Variants in MUC22 observed in about 807,000 individuals in gnomAD.
The protein encoded by MUC22 is mucin 22.
MUC22 carries 24 observed loss-of-function variants against 40.3 expected under a neutral mutation model. The observed-to-expected ratio is 0.60, with a 90% CI of 0.43 to 0.84. The LOEUF is 0.84. MUC22 is among the 40% of genes least tolerant of loss of function. The pLI, the probability that MUC22 is intolerant of heterozygous loss-of-function variation, is 0.00. For missense variants in MUC22, 1,926 were observed against 2,130.7 expected, an observed-to-expected ratio of 0.90 and a Z score of 1.89; for synonymous variants, 765 against 844.5, an observed-to-expected ratio of 0.91 and a Z score of 1.63.
In MUC22 at chr6:31,011,107, T is replaced by G. The variant is rs9278834; in HGVS notation, c.70+331T>G. 6.7e-6 allele frequency among the ~76,000 whole-genome samples: 1 copy of G among 148,874 alleles called. No homozygotes were observed. The highest frequency in any genetic ancestry group is 2.5e-5 in the African/African-American group (1 of 39,828). On this transcript the variant is annotated intron_variant, in intron 1 of 3. Coordinates refer to ENST00000561890, the Ensembl canonical transcript of MUC22. The surrounding 1 kb of genome is among the most constrained non-coding windows in gnomAD (Gnocchi z 4.5). ...TATCTTGGATAAAAGTTTTTTTTTT[T>G]AACCGGAAAACTCTAGTTCCAATAG...
At chr6:31,027,657 C>T in exon 2 of MUC22, 1 of 1,530,562 alleles carries the variant, frequency 6.5e-7, no homozygotes, top group Non-Finnish European at 8.7e-7. Flanking sequence ...CTAATACAGG[C>T]TTGGAGACCA....
In MUC22 at chr6:31,032,044, C is replaced by T. The variant is rs145038858; in HGVS notation, c.4670-152C>T. On this transcript the variant is annotated intron_variant, in intron 2 of 3. Transcript: ENST00000561890. This position sits in a 1 kb window ranked among gnomAD's most constrained non-coding sequence, Gnocchi z 4.1. ...TCTGGGGACATGGCCACAGCAGAAT[C>T]GCTTTCTACCATCTCTCCTCCCCCA... 1.3e-5 allele frequency among the ~76,000 whole-genome samples: 2 copies of T among 152,262 alleles called. No individual in the cohort carries two copies. The highest frequency in any genetic ancestry group is 1.9e-4 in the East Asian group (1 of 5,184).
chr6:31,025,929 G>A (rs748628858), exon 2 of MUC22: 40 of 1,529,502 alleles, frequency 2.6e-5, no homozygotes, highest in South Asian at 3.6e-5. Context: ...CTGAGAAAAC[G>A]ATGGCCTCCT....
At chr6:31,008,212 T>C (rs1283184201), upstream of MUC22, among the ~76,000 whole-genome samples, 2 of 152,256 alleles carry the variant, frequency 1.3e-5, no homozygotes, top group Non-Finnish European at 2.9e-5. Context: ...ACTAACTTTG[T>C]GAGTTTGGCC....
At position 31,032,219 on chromosome 6, in the gene MUC22, C is replaced by T; in HGVS notation, c.4693C>T (p.Leu1565Phe). The T allele has an allele frequency of 6.5e-7, 1 of 1,534,872 alleles. No homozygotes were observed. Among genetic ancestry groups the T allele is most frequent in the Non-Finnish European group, 8.7e-7 (1 of 1,146,402 alleles). The change falls in exon 3 of 4, where the codon CTC (leucine) becomes TTC (phenylalanine). Residue 1565 changes from leucine (L) to phenylalanine (F), a missense_variant. Physicochemically the swap from Leu to Phe is conservative, Grantham distance 22. Around this residue, in one of 3 missense-constraint regions of MUC22, gnomAD observed 610 missense variants for 714.6 expected, o/e 0.85. Transcript: ENST00000561890. This position sits in a 1 kb window ranked among gnomAD's most constrained non-coding sequence, Gnocchi z 4.1. ...AGGCACCAGAACCACTGGAACCAGA[C>T]TCACTGCCTCCAGCTCTGTCACCAT...
chr6:31,034,705 A>G, exon 4 of MUC22: 1 of 1,535,512 alleles, frequency 6.5e-7, no homozygotes, highest in Non-Finnish European at 8.7e-7. Flanking sequence ...ATATTGTGGT[A>G]TTTATTACCC....
At chr6:31,013,382 C>G (rs886692036) in intron 1 of MUC22, among the ~76,000 whole-genome samples, 2 of 151,954 alleles carry the variant, frequency 1.3e-5, no homozygotes, top group African/African-American at 4.8e-5. Flanking sequence ...CCACCTTGGC[C>G]TCCCAAAGTG....
intron 1 of MUC22, among the ~76,000 whole-genome samples, chr6:31,021,977 A>G (rs961386148): frequency 5.9e-5 from 9 of 152,182 alleles, no homozygotes; most frequent in African/African-American, 2.2e-4. Context: ...TTCACTCCTG[A>G]AGCCAGCGAG....
At chr6:31,029,984 T>C in exon 2 of MUC22, 1 of 1,535,612 alleles carries the variant, frequency 6.5e-7, no homozygotes, top group Non-Finnish European at 8.7e-7. Flanking sequence ...ACCACCACAG[T>C]CTCTATCACA....
At chr6:31,019,344 A>C (rs1764500067) in intron 1 of MUC22, among the ~76,000 whole-genome samples, 1 of 152,222 alleles carries the variant, frequency 6.6e-6, no homozygotes, top group Non-Finnish European at 1.5e-5. Context: ...CTACCATCCT[A>C]GTTCAAGCAA....
chr6:31,028,390 G>C, exon 2 of MUC22: 2 of 1,507,892 alleles, frequency 1.3e-6, no homozygotes, highest in Non-Finnish European at 1.8e-6. Flanking sequence ...GACCACCACA[G>C]CCTCTACTGA....
Position 31,029,320 on chromosome 6 carries a change from G to A in MUC22, c.3889G>A (p.Ala1297Thr), listed in dbSNP as rs183988734. ...CACTACTGCAGGTTCTGAGACCACA[G>A]CAGTCTATACCACAGGCTCTGAGAC... Residue 1297 changes from alanine (A) to threonine (T), a missense_variant, in exon 2 of 4, where the codon GCA becomes ACA. Transcript: ENST00000561890. 3.9e-6 allele frequency: 6 copies of A among 1,519,050 alleles called. No homozygotes were observed. In the Admixed American group the frequency reaches 6.1e-5, roughly 15 times the overall value. 94.1% of individuals were successfully genotyped at this position (1,519,050 alleles called of 1,614,324 possible). A position where few individuals can be genotyped will look rare whatever the true frequency, so the allele number is the denominator to read the frequency against.
chr6:31,026,289 G>C lies in MUC22; in HGVS notation c.858G>C (p.Glu286Asp), dbSNP rs1372391635. 198 of 1,514,946 alleles carry C rather than the reference G, an allele frequency of 1.3e-4. No individual in the cohort carries two copies. The highest frequency in any genetic ancestry group is 1.6e-4 in the Non-Finnish European group (177 of 1,132,032). The allele number at this position is 1,514,946 out of a possible 1,614,324, so 93.8% of individuals were successfully genotyped here. A position where few individuals can be genotyped will look rare whatever the true frequency, so the allele number is the denominator to read the frequency against. The change falls in exon 2 of 4, where the codon GAG (glutamate) becomes GAC (aspartate). Residue 286 changes from glutamate to aspartate, a missense_variant. This residue lies in a region of MUC22 where 1,281 missense variants were observed against 1,337.8 expected (regional missense o/e 0.96). Coordinates refer to ENST00000561890, the Ensembl canonical transcript of MUC22. ...CTACAATCCTGATTAAAGCCTCTGA[G>C]ACCACCACAGCCTCTACAGCAGGTT...
At chr6:31,020,303 ACAT>A (rs1764576758) in intron 1 of MUC22, among the ~76,000 whole-genome samples, 1 of 152,180 alleles carries the variant, frequency 6.6e-6, no homozygotes, top group Non-Finnish European at 1.5e-5. Flanking sequence ...TAAAGAAGCA[ACAT>A]CATTAAAATA....
chr6:31,020,588 A>G (rs9262501), intron 1 of MUC22, among the ~76,000 whole-genome samples: 58,402 of 151,546 alleles, frequency 0.39, 11,476 homozygotes, highest in East Asian at 0.47. Context: ...GCTTGCTCTC[A>G]GCACCTCCTC....
At chr6:31,017,103 C>A (rs1250509965) in intron 1 of MUC22, among the ~76,000 whole-genome samples, 1 of 152,254 alleles carries the variant, frequency 6.6e-6, no homozygotes, top group Admixed American at 6.5e-5. Context: ...GGCTCCTGTG[C>A]AGCCAGAACC....
chr6:31,028,655 C>A, exon 2 of MUC22: 1 of 1,535,066 alleles, frequency 6.5e-7, no homozygotes, highest in Non-Finnish European at 8.7e-7. Flanking sequence ...TCTGAGACCA[C>A]CACAGTCTCC....
intron 1 of MUC22, among the ~76,000 whole-genome samples, chr6:31,020,348 A>T (rs1764581348): frequency 1.3e-5 from 2 of 152,154 alleles, no homozygotes; most frequent in East Asian, 3.8e-4. Flanking sequence ...TCAACCTAGA[A>T]TTACACGGAG....
chr6:31,022,040 T>G (rs932080729), intron 1 of MUC22, among the ~76,000 whole-genome samples: 2 of 149,314 alleles, frequency 1.3e-5, no homozygotes, highest in Non-Finnish European at 3.0e-5. Flanking sequence ...GGCTTAAGAG[T>G]TGCTAACACT....
Sources: gnomAD v4.1 joint callset for allele counts (sites outside exome capture counted in the v4.1 genomes callset) on GRCh38, gnomAD v4.1.1 for gene constraint, gnomAD v4.1.1 regional missense constraint, Gnocchi (gnomAD v3.1) non-coding constraint, MANE v1.5 for transcripts, NCBI Gene and HGNC (gene_info 2026-07-23, HGNC 2026-07-21) for gene names.